Variants in APBA2 observed in about 807,000 individuals in gnomAD.
The protein encoded by APBA2 is amyloid-beta A4 precursor protein-binding family A member 2.
APBA2 carries 30 observed loss-of-function variants against 75.0 expected under a neutral mutation model. That is an observed-to-expected ratio of 0.40 (90% CI 0.30 to 0.54). APBA2 has a LOEUF of 0.54. Ranked by LOEUF, APBA2 falls within the 20% of genes least tolerant of loss-of-function variation. The pLI, the probability that APBA2 is intolerant of heterozygous loss-of-function variation, is 0.49. For missense variants in APBA2, 801 were observed against 1,016.1 expected, an observed-to-expected ratio of 0.79 and a Z score of 2.88; for synonymous variants, 444 against 409.6, an observed-to-expected ratio of 1.08 and a Z score of -1.01.
At chr15:29,070,429 C>T (rs998330302) in intron 4 of APBA2, among the ~76,000 whole-genome samples, 2 of 152,180 alleles carry the variant, frequency 1.3e-5, no homozygotes, top group African/African-American at 2.4e-5. Flanking sequence ...CTGTTTTTCC[C>T]AGTGTGTCTT....
intron 3 of APBA2, among the ~76,000 whole-genome samples, chr15:29,044,672 G>A (rs2041215914): frequency 6.6e-6 from 1 of 152,146 alleles, no homozygotes; most frequent in South Asian, 2.1e-4. Context: ...GCGTCAAAGG[G>A]TCCTGGATAA....
intron 14 of APBA2, among the ~76,000 whole-genome samples, chr15:29,114,594 A>G (rs1323011727): frequency 2.7e-5 from 4 of 149,780 alleles, no homozygotes; most frequent in Admixed American, 1.3e-4. Flanking sequence ...GTGTGTGTGT[A>G]GTGTGAGCGA....
At chr15:28,914,058 A>C (rs1009420303) in intron 1 of APBA2, among the ~76,000 whole-genome samples, 1 of 152,316 alleles carries the variant, frequency 6.6e-6, no homozygotes, top group Non-Finnish European at 1.5e-5. Flanking sequence ...GGTTTTTAAA[A>C]AATATTTTAG....
rs1488831888 is a variant in APBA2, at chr15:28,926,204, A to G, written c.-95+4455A>G. ...TTATTGAGGTACTTAGATTAATATC[A>G]AACTTTTTAGTAACTGTCTTCTGTA... On this transcript the variant is annotated intron_variant, in intron 2 of 14. Coordinates refer to ENST00000683413, the MANE Select transcript of APBA2 (RefSeq NM_001353788.2). 4.6e-5 allele frequency among the ~76,000 whole-genome samples: 7 copies of G among 152,276 alleles called. No individual in the cohort carries two copies. In the South Asian group the frequency reaches 1.5e-3, roughly 32 times the overall value.
At chr15:28,914,119 G>A (rs952269710) in intron 1 of APBA2, among the ~76,000 whole-genome samples, 13 of 152,240 alleles carry the variant, frequency 8.5e-5, no homozygotes, top group African/African-American at 2.6e-4. Context: ...TTAATTCTGC[G>A]AACATGTTTC....
chr15:29,003,347 G>C (rs143477889), intron 3 of APBA2, among the ~76,000 whole-genome samples: 1 of 152,306 alleles, frequency 6.6e-6, no homozygotes, highest in East Asian at 1.9e-4. Context: ...AACATCTGCT[G>C]CTACTGGAGA....
rs151094918 is a variant in APBA2, at chr15:29,098,754, G to A, written c.1338+178G>A. 1.8e-4 allele frequency among the ~76,000 whole-genome samples: 28 copies of A among 152,328 alleles called. No individual in the cohort carries two copies. In the South Asian group the frequency reaches 3.9e-3, roughly 21 times the overall value. ...AAGGAGCGCACAGCAGGTAGCAGTC[G>A]TGCTGGCGTCACCCCAGGGCTCTGC... On this transcript the variant is annotated intron_variant, in intron 9 of 14. Coordinates refer to ENST00000683413, the MANE Select transcript of APBA2 (RefSeq NM_001353788.2).
intron 2 of APBA2, among the ~76,000 whole-genome samples, chr15:28,984,631 G>A (rs553845493): frequency 6.6e-6 from 1 of 151,810 alleles, no homozygotes; most frequent in African/African-American, 2.4e-5. Context: ...CTCTCTCTGG[G>A]TGTCCCCCAC....
chr15:29,107,833 C>G (rs531049421), intron 12 of APBA2, among the ~76,000 whole-genome samples: 1 of 152,214 alleles, frequency 6.6e-6, no homozygotes, highest in Non-Finnish European at 1.5e-5. Context: ...GCAGGAGGTC[C>G]GTCCTTGGAG....
intron 3 of APBA2, among the ~76,000 whole-genome samples, chr15:29,052,299 C>CA (rs981097379): frequency 1.3e-5 from 2 of 151,676 alleles, no homozygotes; most frequent in Non-Finnish European, 2.9e-5. Flanking sequence ...ACTAAAAATA[C>CA]GAAAAATTAG....
chr15:29,069,316 AC>A (rs2042516336), intron 4 of APBA2, among the ~76,000 whole-genome samples: 1 of 152,324 alleles, frequency 6.6e-6, no homozygotes, highest in East Asian at 1.9e-4. Context: ...TGCCACTGTG[AC>A]CATATGTGTA....
intron 4 of APBA2, among the ~76,000 whole-genome samples, chr15:29,058,877 A>C (rs1355497187): frequency 6.6e-6 from 1 of 152,280 alleles, no homozygotes; most frequent in Non-Finnish European, 1.5e-5. Context: ...ATTCCACTGT[A>C]GAGTTTTCAA....
intron 2 of APBA2, among the ~76,000 whole-genome samples, chr15:28,993,155 C>T (rs546669809): frequency 2.1e-4 from 32 of 152,288 alleles, no homozygotes; most frequent in African/African-American, 7.7e-4. Flanking sequence ...AGCCCGCCCC[C>T]CAAATATGCC....
intron 1 of APBA2, among the ~76,000 whole-genome samples, chr15:28,888,921 GGTTGCTCACCAGGAGGCA>G (rs1277608464): frequency 4.6e-5 from 7 of 151,922 alleles, no homozygotes; most frequent in Admixed American, 6.5e-5. Flanking sequence ...AGTTTGAGAT[GGTTGCTCACCAGGAGGCA>G]GCCTGTGTGC....
At chr15:29,002,065 T>C (rs1180004173) in intron 3 of APBA2, among the ~76,000 whole-genome samples, 1 of 152,220 alleles carries the variant, frequency 6.6e-6, no homozygotes, top group Non-Finnish European at 1.5e-5. Flanking sequence ...AAGTGCTGTG[T>C]GTACTGCCCG....
intron 9 of APBA2, among the ~76,000 whole-genome samples, chr15:29,101,361 C>G (rs1208969568): frequency 2.0e-5 from 3 of 152,046 alleles, no homozygotes; most frequent in African/African-American, 7.2e-5. Context: ...TCCTGAGTAT[C>G]TGGGATTACA....
chr15:29,076,024 A>G (rs756123660), intron 5 of APBA2, 31 bp from the exon 6 acceptor site: 3 of 1,609,066 alleles, frequency 1.9e-6, no homozygotes, highest in Non-Finnish European at 1.7e-6. Flanking sequence ...AACAATTGTT[A>G]TGTGTTTTAT....
At chr15:28,944,261 A>G (rs1037482725) in intron 2 of APBA2, among the ~76,000 whole-genome samples, 1 of 152,214 alleles carries the variant, frequency 6.6e-6, no homozygotes, top group Non-Finnish European at 1.5e-5. Context: ...TAAGCCATGC[A>G]GAAAGGTGTG....
chr15:28,946,557 T>A (rs1262632904), intron 2 of APBA2, among the ~76,000 whole-genome samples: 1 of 152,078 alleles, frequency 6.6e-6, no homozygotes, highest in Non-Finnish European at 1.5e-5. Context: ...TGCGTGGGAT[T>A]CCTTTCTTTT....
Sources: allele counts gnomAD v4.1 joint callset (sites outside exome capture counted in the v4.1 genomes callset), GRCh38; gene constraint gnomAD v4.1.1; transcripts MANE v1.5; gene names NCBI Gene and HGNC (gene_info 2026-07-23, HGNC 2026-07-21).